The following GALNTL6 variants were observed in gnomAD, a reference collection of about 807,000 sequenced individuals.
GALNTL6 encodes the protein polypeptide N-acetylgalactosaminyltransferase like 6.
In GALNTL6, 46 loss-of-function variants were observed where a neutral mutation model predicts 73.7. The ratio of observed to expected loss-of-function variants is 0.62; its 90% confidence interval spans 0.49 to 0.80. GALNTL6 has a LOEUF of 0.80. GALNTL6 is among the 30% of genes least tolerant of loss of function. The pLI, the probability that GALNTL6 is intolerant of heterozygous loss-of-function variation, is 0.00. For missense variants in GALNTL6, 604 were observed against 755.0 expected, an observed-to-expected ratio of 0.80 and a Z score of 2.34; for synonymous variants, 259 against 263.7, an observed-to-expected ratio of 0.98 and a Z score of 0.17.
chr4:172,278,758 A>G, intron 3 of GALNTL6, among the ~76,000 whole-genome samples: 1 of 152,162 alleles, frequency 6.6e-6, no homozygotes, highest in South Asian at 2.1e-4. Context: ...AGAACTCCAA[A>G]TAGCCAGAAC....
At chr4:172,954,614 ACAC>A (rs1749621511) in intron 10 of GALNTL6, among the ~76,000 whole-genome samples, 2 of 151,948 alleles carry the variant, frequency 1.3e-5, no homozygotes, top group Non-Finnish European at 2.9e-5. Context: ...CTACACATTC[ACAC>A]CACCAGTCCC....
At chr4:172,688,245 T>C (rs1733050798) in intron 5 of GALNTL6, among the ~76,000 whole-genome samples, 1 of 152,220 alleles carries the variant, frequency 6.6e-6, no homozygotes, top group African/African-American at 2.4e-5. Flanking sequence ...GCATATGTGA[T>C]TGCTACTTTG....
chr4:172,481,110 T>C (rs909054573), intron 5 of GALNTL6, among the ~76,000 whole-genome samples: 1 of 152,142 alleles, frequency 6.6e-6, no homozygotes, highest in East Asian at 1.9e-4. Context: ...ACTTCTGATG[T>C]TTGGACGTGT....
rs181759617 is a variant in GALNTL6, at chr4:172,034,238, C to T, written c.139-195418C>T. On this transcript the variant is annotated intron_variant, in intron 2 of 12. Transcript: ENST00000506823. ...CCTGAGTTCTCAAAGTGCTCTGTAGCGCCCTCTACTGTCTGGGCTGTGTAC... is the reference window on the plus strand; with the variant it reads ...CCTGAGTTCTCAAAGTGCTCTGTAGTGCCCTCTACTGTCTGGGCTGTGTAC... 5.3e-5 allele frequency among the ~76,000 whole-genome samples: 8 copies of T among 152,180 alleles called. No homozygotes were observed. The East Asian group carries it at 1.5e-3, about 29-fold the overall frequency.
chr4:172,302,631 A>C (rs1347383964), intron 3 of GALNTL6, among the ~76,000 whole-genome samples: 2 of 152,208 alleles, frequency 1.3e-5, no homozygotes, highest in Admixed American at 1.3e-4. Context: ...CCATGCTGGC[A>C]AGAAAATAAA....
chr4:171,875,582 G>A (rs1736254849), intron 2 of GALNTL6, among the ~76,000 whole-genome samples: 1 of 152,022 alleles, frequency 6.6e-6, no homozygotes. Flanking sequence ...TTGTATAGTG[G>A]TTAAATCTGT....
chr4:172,904,878 G>A (rs181933258), intron 8 of GALNTL6, among the ~76,000 whole-genome samples: 1 of 152,254 alleles, frequency 6.6e-6, no homozygotes, highest in East Asian at 1.9e-4. Flanking sequence ...GGCATAACAA[G>A]ACTAATACTT....
chr4:172,388,755 G>T (rs1193809968), intron 5 of GALNTL6, among the ~76,000 whole-genome samples: 2 of 151,940 alleles, frequency 1.3e-5, no homozygotes, highest in African/African-American at 4.8e-5. Context: ...AAAATTTGAG[G>T]AAATAACTTG....
intron 2 of GALNTL6, among the ~76,000 whole-genome samples, chr4:172,189,047 T>G (rs1303200577): frequency 6.6e-6 from 1 of 152,224 alleles, no homozygotes; most frequent in Non-Finnish European, 1.5e-5. Context: ...AACATCCTTC[T>G]TGTTAACTGT....
intron 8 of GALNTL6, among the ~76,000 whole-genome samples, chr4:172,894,506 TTGC>T (rs1746217087): frequency 6.6e-6 from 1 of 152,194 alleles, no homozygotes; most frequent in Non-Finnish European, 1.5e-5. Context: ...TTACAAAGTT[TTGC>T]TTTTTATTGA....
intron 2 of GALNTL6, among the ~76,000 whole-genome samples, chr4:171,948,635 G>A (rs1480379217): frequency 6.6e-6 from 1 of 151,912 alleles, no homozygotes; most frequent in Non-Finnish European, 1.5e-5. Flanking sequence ...TAAAATAAAT[G>A]GATACAAAAC....
At chr4:172,397,460 T>A (rs1743887412) in intron 5 of GALNTL6, among the ~76,000 whole-genome samples, 1 of 152,096 alleles carries the variant, frequency 6.6e-6, no homozygotes. Flanking sequence ...TTGAGTTGAG[T>A]AGTCATATCC....
intron 2 of GALNTL6, among the ~76,000 whole-genome samples, chr4:172,086,811 A>G (rs928961766): frequency 7.2e-5 from 11 of 152,220 alleles, no homozygotes; most frequent in African/African-American, 2.7e-4. Context: ...CATGTATAGT[A>G]TACCTATTTC....
chr4:172,254,612 A>G (rs1331195246), intron 3 of GALNTL6, among the ~76,000 whole-genome samples: 1 of 151,790 alleles, frequency 6.6e-6, no homozygotes, highest in Non-Finnish European at 1.5e-5. Context: ...TGTTTTATGT[A>G]TAGAACAGGA....
At chr4:172,976,602 A>T (rs984394264) in intron 10 of GALNTL6, among the ~76,000 whole-genome samples, 1 of 152,248 alleles carries the variant, frequency 6.6e-6, no homozygotes, top group African/African-American at 2.4e-5. Context: ...CAGTTACAGA[A>T]TAGAATGCAC....
intron 2 of GALNTL6, among the ~76,000 whole-genome samples, chr4:172,082,024 C>T (rs1731895958): frequency 6.6e-6 from 1 of 151,798 alleles, no homozygotes; most frequent in Admixed American, 6.6e-5. Flanking sequence ...TTACAGGCAC[C>T]CATCAAATTG....
chr4:172,523,512 A>G (rs1246688911), intron 5 of GALNTL6, among the ~76,000 whole-genome samples: 1 of 151,844 alleles, frequency 6.6e-6, no homozygotes, highest in Non-Finnish European at 1.5e-5. Flanking sequence ...CTACAGGTGC[A>G]CACCACCTCA....
At chr4:172,010,562 G>T (rs923216872) in intron 2 of GALNTL6, among the ~76,000 whole-genome samples, 3 of 150,490 alleles carry the variant, frequency 2.0e-5, no homozygotes, top group Admixed American at 1.3e-4. Context: ...GAGAAAAATG[G>T]CCTGGTAGAA....
chr4:172,424,837 T>C (rs1266009034), intron 5 of GALNTL6, among the ~76,000 whole-genome samples: 1 of 152,050 alleles, frequency 6.6e-6, no homozygotes, highest in African/African-American at 2.4e-5. Flanking sequence ...GTACTCAAAG[T>C]ATGTGTTCAG....
Sources: allele counts gnomAD v4.1 joint callset (sites outside exome capture counted in the v4.1 genomes callset), GRCh38; gene constraint gnomAD v4.1.1; transcripts MANE v1.5; gene names NCBI Gene and HGNC (gene_info 2026-07-23, HGNC 2026-07-21).